Variants in MOBP observed in about 807,000 individuals in gnomAD.
MOBP encodes myelin associated oligodendrocyte basic protein.
In MOBP, 5 loss-of-function variants were observed where a neutral mutation model predicts 15.0. The ratio of observed to expected loss-of-function variants is 0.33; its 90% CI spans 0.17 to 0.70. The LOEUF is 0.70. Ranked by LOEUF, MOBP falls within the 30% of genes least tolerant of loss-of-function variation. The probability of loss-of-function intolerance (pLI) is 0.67; values close to 1 mark genes in which losing one functional copy is unlikely to be tolerated. For missense variants in MOBP, 188 were observed against 257.8 expected, an observed-to-expected ratio of 0.73 and a Z score of 1.85; for synonymous variants, 88 against 99.0, an observed-to-expected ratio of 0.89 and a Z score of 0.66.
At chr3:39,513,619 A>G in exon 5 of MOBP, 1 of 610,320 alleles carries the variant, frequency 1.6e-6, no homozygotes, top group South Asian at 2.1e-5. Context: ...GAGCAGGGCT[A>G]TCTCTGTGTG....
intron 2 of MOBP, among the ~76,000 whole-genome samples, chr3:39,492,023 G>C (rs2042802500): frequency 6.6e-6 from 1 of 152,158 alleles, no homozygotes; most frequent in Non-Finnish European, 1.5e-5. Context: ...GACTATGAGT[G>C]ACTGCACAGC....
chr3:39,500,262 T>G (rs1180242976), intron 2 of MOBP, among the ~76,000 whole-genome samples: 1 of 152,268 alleles, frequency 6.6e-6, no homozygotes, highest in African/African-American at 2.4e-5. Flanking sequence ...TTTAGCTTTG[T>G]GTCCAGTATG....
At chr3:39,520,527 T>C (rs2125674853), downstream of MOBP, among the ~76,000 whole-genome samples, 1 of 133,952 alleles carries the variant, frequency 7.5e-6, no homozygotes, top group Non-Finnish European at 1.6e-5. Flanking sequence ...AAGTACCAAA[T>C]GTGTTCATGA....
chr3:39,500,413 A>C (rs1223240127), intron 2 of MOBP, among the ~76,000 whole-genome samples: 3 of 152,222 alleles, frequency 2.0e-5, no homozygotes, highest in Non-Finnish European at 4.4e-5. Flanking sequence ...AAAAAAATGA[A>C]AGATTTGCCA....
At chr3:39,496,211 G>A (rs1466404409) in intron 2 of MOBP, among the ~76,000 whole-genome samples, 1 of 118,194 alleles carries the variant, frequency 8.5e-6, no homozygotes, top group East Asian at 2.4e-4. Context: ...TTTTTTTTTT[G>A]TTTTTTGAGA....
exon 5 of MOBP, chr3:39,513,613 A>C (rs2043150401): frequency 3.2e-6 from 2 of 623,050 alleles, no homozygotes; most frequent in East Asian, 5.5e-5. Context: ...GGAGGTGAGC[A>C]GGGCTATCTC....
intron 2 of MOBP, among the ~76,000 whole-genome samples, chr3:39,497,570 C>T (rs2042904789): frequency 6.6e-6 from 1 of 152,162 alleles, no homozygotes; most frequent in African/African-American, 2.4e-5. Context: ...GGATTCAAAT[C>T]CCTTGCTGCC....
At chr3:39,475,687 G>A (rs866993999) in intron 1 of MOBP, among the ~76,000 whole-genome samples, 6 of 151,962 alleles carry the variant, frequency 3.9e-5, no homozygotes, top group Middle Eastern at 3.4e-3. Context: ...TTACCTTCTT[G>A]CTCAAATAAC....
At chr3:39,482,138 G>A (rs2042637499) in intron 2 of MOBP, among the ~76,000 whole-genome samples, 1 of 151,958 alleles carries the variant, frequency 6.6e-6, no homozygotes, top group Non-Finnish European at 1.5e-5. Flanking sequence ...TTTTTCTCTA[G>A]TAGATACTTC....
At chr3:39,513,425 AAGG>A in exon 5 of MOBP, 1 of 1,614,050 alleles carries the variant, frequency 6.2e-7, no homozygotes, top group Non-Finnish European at 8.5e-7. Context: ...AGAAGTGACC[AAGG>A]AGGAGTTTAA....
chr3:39,510,927 C>G (rs1055588335), intron 4 of MOBP, among the ~76,000 whole-genome samples: 5 of 152,226 alleles, frequency 3.3e-5, no homozygotes, highest in Admixed American at 2.6e-4. Context: ...CCTAATAACA[C>G]AAGATGCTTA....
At chr3:39,513,363 T>G in intron 4 of MOBP, 2 of 1,612,336 alleles carry the variant, frequency 1.2e-6, no homozygotes, top group Non-Finnish European at 1.7e-6. Context: ...TGTGTTTTTC[T>G]TTTTCTCTTT....
downstream of MOBP, among the ~76,000 whole-genome samples, chr3:39,505,347 G>A (rs114865614): frequency 0.019 from 2,876 of 152,232 alleles, 41 homozygotes; most frequent in Non-Finnish European, 0.028. Flanking sequence ...ATTAAATTGA[G>A]CCCTGCACAC....
downstream of MOBP, among the ~76,000 whole-genome samples, chr3:39,504,470 A>T (rs1441864638): frequency 6.6e-6 from 1 of 152,082 alleles, no homozygotes; most frequent in Non-Finnish European, 1.5e-5. Context: ...TAAATTCAGG[A>T]GATACCCTAG....
At chr3:39,509,005 A>G (rs1269254649) in intron 4 of MOBP, among the ~76,000 whole-genome samples, 3 of 152,096 alleles carry the variant, frequency 2.0e-5, no homozygotes, top group Admixed American at 6.6e-5. Flanking sequence ...ATATGCATCC[A>G]TATAGTCTCT....
In MOBP at chr3:39,502,943, C is replaced by A; in HGVS notation, c.*63C>A. 1.3e-6 allele frequency: 1 copy of A among 763,470 alleles called. No homozygotes were observed. Among genetic ancestry groups the A allele is most frequent in the Non-Finnish European group, 2.1e-6 (1 of 483,454 alleles). The allele number at this position is 763,470 out of a possible 1,614,324, so 47.3% of individuals were successfully genotyped here. The stretch of plus-strand genomic sequence containing the variant: ...AGTAGTTGCTTCCTGTGTTTACTAA[C>A]ACCGGGCTGTCTCCATGGCCCTCTT... On this transcript the variant is annotated 3_prime_UTR_variant, in exon 4 of 4. Coordinates refer to ENST00000684792, the MANE Select transcript of MOBP (RefSeq NM_001393704.1). The surrounding 1 kb of genome is among the most constrained non-coding windows in gnomAD (Gnocchi z 6.3).
chr3:39,499,516 C>A (rs999585838), intron 2 of MOBP: 1 of 152,512 alleles, frequency 6.6e-6, no homozygotes, highest in Admixed American at 6.5e-5. Flanking sequence ...TTGACTGACT[C>A]CTCGCTGAGT....
intron 2 of MOBP, among the ~76,000 whole-genome samples, chr3:39,501,533 CA>C (rs2042969930): frequency 6.6e-6 from 1 of 152,202 alleles, no homozygotes; most frequent in African/African-American, 2.4e-5. Flanking sequence ...ACCTCCTGTA[CA>C]CACAGCTTGT....
intron 2 of MOBP, among the ~76,000 whole-genome samples, chr3:39,500,727 T>C (rs1346244678): frequency 1.3e-5 from 2 of 152,056 alleles, no homozygotes; most frequent in Non-Finnish European, 1.5e-5. Context: ...AGGAGGGTAA[T>C]AGGGAAGCAA....
Sources: gnomAD v4.1 joint callset for allele counts (sites outside exome capture counted in the v4.1 genomes callset) on GRCh38, gnomAD v4.1.1 for gene constraint, Gnocchi (gnomAD v3.1) non-coding constraint, MANE v1.5 for transcripts, NCBI Gene and HGNC (gene_info 2026-07-23, HGNC 2026-07-21) for gene names.